The following FNDC3A variants were observed in gnomAD, a reference collection of about 807,000 sequenced individuals.
FNDC3A encodes the protein fibronectin type III domain containing 3A.
FNDC3A carries 32 observed loss-of-function variants against 148.9 expected under a neutral mutation model. That is an observed-to-expected ratio of 0.21 (90% CI 0.16 to 0.29). FNDC3A has a LOEUF of 0.29. Ranked by LOEUF, FNDC3A falls within the 10% of genes least tolerant of loss-of-function variation. The pLI is 1.00. For missense variants in FNDC3A, 1,191 were observed against 1,452.8 expected (o/e 0.82, Z 2.93); for synonymous variants, 472 against 473.6 (o/e 1.00, Z 0.04).
intron 8 of FNDC3A, among the ~76,000 whole-genome samples, chr13:49,156,239 T>A (rs1380264176): frequency 3.4e-5 from 5 of 148,844 alleles, no homozygotes; most frequent in Admixed American, 2.7e-4. Flanking sequence ...GATAGTTAGC[T>A]CTTCTTGTTG....
chr13:49,103,757 A>T (rs1025236262), intron 3 of FNDC3A, among the ~76,000 whole-genome samples: 2 of 152,236 alleles, frequency 1.3e-5, no homozygotes, highest in Non-Finnish European at 2.9e-5. Context: ...GTCTAGGATT[A>T]TTCTCACATT....
intron 3 of FNDC3A, among the ~76,000 whole-genome samples, chr13:49,096,791 G>A (rs571157774): frequency 4.5e-4 from 69 of 152,124 alleles, no homozygotes; most frequent in Non-Finnish European, 7.9e-4. Context: ...CATGCTAAGT[G>A]CTATGATGGA....
Position 49,174,423 on chromosome 13 carries a change from C to G in FNDC3A, c.1231-12C>G. 2 of 1,605,116 alleles carry G rather than the reference C, an allele frequency of 1.2e-6. No homozygotes were observed. Among genetic ancestry groups the G allele is most frequent in the Non-Finnish European group, 1.7e-6 (2 of 1,172,496 alleles). The stretch of plus-strand genomic sequence containing the variant: ...ATGTACATGGTATATAATAATCAGC[C>G]ATTTCTTGTAGGGAAAAGGAAATGG... On this transcript the variant is annotated splice_polypyrimidine_tract_variant and intron_variant, in intron 11 of 25. Transcript: ENST00000492622.
intron 8 of FNDC3A, among the ~76,000 whole-genome samples, chr13:49,157,553 G>C (rs1162872417): frequency 3.3e-5 from 5 of 150,596 alleles, no homozygotes; most frequent in East Asian, 3.9e-4. Flanking sequence ...GCTTTGTTCC[G>C]TTGCTGGTGA....
intron 2 of FNDC3A, among the ~76,000 whole-genome samples, chr13:49,021,092 T>C (rs1873291445): frequency 6.6e-6 from 1 of 152,240 alleles, no homozygotes; most frequent in South Asian, 2.1e-4. Context: ...ATTTCTGATA[T>C]AACACCCTAG....
chr13:49,118,309 C>T (rs1881099014), intron 4 of FNDC3A, among the ~76,000 whole-genome samples: 1 of 152,176 alleles, frequency 6.6e-6, no homozygotes, highest in Non-Finnish European at 1.5e-5. Flanking sequence ...CCATGAGGAA[C>T]AGTGCATTCC....
intron 2 of FNDC3A, among the ~76,000 whole-genome samples, chr13:49,031,510 G>A (rs148312717): frequency 6.6e-6 from 1 of 152,236 alleles, no homozygotes; most frequent in East Asian, 1.9e-4. Context: ...TTTTGACAAA[G>A]GTGCCTAGAT....
intron 14 of FNDC3A, among the ~76,000 whole-genome samples, chr13:49,181,987 A>C (rs190383598): frequency 5.9e-5 from 9 of 152,018 alleles, no homozygotes; most frequent in Admixed American, 4.6e-4. Context: ...TTATTTATTT[A>C]TTTGTTTATT....
intron 3 of FNDC3A, among the ~76,000 whole-genome samples, chr13:49,098,152 A>G (rs968478147): frequency 6.6e-6 from 1 of 152,114 alleles, no homozygotes. Context: ...TGGGCAATCT[A>G]TAATTAAAAT....
intron 2 of FNDC3A, among the ~76,000 whole-genome samples, chr13:49,039,700 T>A (rs1224694831): frequency 6.6e-6 from 1 of 152,154 alleles, no homozygotes; most frequent in Non-Finnish European, 1.5e-5. Context: ...TCATACTTTT[T>A]CTGTTTTTGT....
chr13:49,083,740 C>T (rs1339851637), intron 3 of FNDC3A, among the ~76,000 whole-genome samples: 6 of 152,176 alleles, frequency 3.9e-5, no homozygotes, highest in African/African-American at 1.4e-4. Flanking sequence ...CAGATTTTGA[C>T]ACGGGGAAGA....
chr13:49,126,030 G>A (rs956026202), intron 4 of FNDC3A, among the ~76,000 whole-genome samples: 9 of 151,756 alleles, frequency 5.9e-5, no homozygotes, highest in East Asian at 1.9e-4. Context: ...TTTTCACAAC[G>A]TACTTATTTT....
chr13:49,020,973 C>T lies in FNDC3A; in HGVS notation c.99+14684C>T, dbSNP rs573686367. Among the ~76,000 whole-genome samples the T allele has an allele frequency of 3.3e-5, 5 of 152,114 alleles. No individual in the cohort carries two copies. The South Asian group carries it at 1.0e-3, about 32-fold the overall frequency. On this transcript the variant is annotated intron_variant, in intron 2 of 25. Coordinates refer to ENST00000492622, the MANE Select transcript of FNDC3A (RefSeq NM_001079673.2). ...TTTCAGGAAAAAGATCTGATTCGAA[C>T]CAGAGATGTAGAAATTATCAGAATA...
intron 2 of FNDC3A, among the ~76,000 whole-genome samples, chr13:49,041,859 C>G (rs1417578568): frequency 6.6e-6 from 1 of 151,350 alleles, no homozygotes; most frequent in Non-Finnish European, 1.5e-5. Context: ...TATTATCAGC[C>G]AGGCTCTAAG....
At chr13:49,161,517 A>G (rs2407517) in intron 8 of FNDC3A, among the ~76,000 whole-genome samples, 149,694 of 152,208 alleles carry the variant, frequency 0.98, 73,638 homozygotes, top group South Asian at 1. Flanking sequence ...AGCAGATGGG[A>G]CCCCTGAATA....
In FNDC3A at chr13:49,191,249, C is replaced by G; in HGVS notation, c.2091C>G (p.Tyr697Ter). The G allele has an allele frequency of 1.2e-6, 2 of 1,611,462 alleles. No individual in the cohort carries two copies. The highest frequency in any genetic ancestry group is 1.7e-6 in the Non-Finnish European group (2 of 1,179,110). The change falls in exon 19 of 26, where the codon TAC becomes TAG. Residue 697 changes from tyrosine (Y) to a stop codon, truncating the protein, a stop_gained. Transcript: ENST00000492622. LOFTEE classifies it high-confidence loss of function. ...ATGGTGGATCACCCATTTCCTGTTA[C>G]AGTGTGGAAATGTCTCCTATAGAAA... ...LVDGGSPISC[Y>*]SVEMSPIEKD...
At chr13:49,013,470 G>C (rs1415831076) in intron 2 of FNDC3A, among the ~76,000 whole-genome samples, 1 of 150,080 alleles carries the variant, frequency 6.7e-6, no homozygotes, top group African/African-American at 2.4e-5. Context: ...GTATACATAT[G>C]TACACGTGTA....
In FNDC3A at chr13:49,102,917, G is replaced by A. The variant is rs551104683; in HGVS notation, c.176-11738G>A. Among the ~76,000 whole-genome samples, 25 of 152,194 alleles carry A rather than the reference G, an allele frequency of 1.6e-4. No homozygotes were observed. The South Asian group carries it at 5.2e-3, about 32-fold the overall frequency. ...AATAGCATGGCATGTCATAGCAGTT[G>A]TTTGGATTTCTTCATAATATTTTAA... is the stretch of plus-strand genomic sequence containing the variant. On this transcript the variant is annotated intron_variant, in intron 3 of 25. Transcript: ENST00000492622.
intron 7 of FNDC3A, among the ~76,000 whole-genome samples, chr13:49,142,636 A>G (rs567231756): frequency 5.9e-5 from 9 of 152,310 alleles, no homozygotes; most frequent in African/African-American, 2.2e-4. Context: ...GCATTTTTAG[A>G]AGATTTTAAA....
Sources: gnomAD v4.1 joint callset for allele counts (sites outside exome capture counted in the v4.1 genomes callset) on GRCh38, gnomAD v4.1.1 for gene constraint, MANE v1.5 for transcripts, NCBI Gene and HGNC (gene_info 2026-07-23, HGNC 2026-07-21) for gene names.